Variants in DUOX2 observed in about 807,000 individuals in gnomAD.
DUOX2 encodes dual oxidase 2.
In DUOX2, 185 loss-of-function variants were observed where a neutral mutation model predicts 183.3. The observed-to-expected ratio is 1.01, with a 90% CI of 0.90 to 1.14. The LOEUF (loss-of-function observed/expected upper bound fraction) is 1.14. Among genes scored for constraint, DUOX2 ranks in the 50% most tolerant of loss-of-function variants. The pLI, the probability that DUOX2 is intolerant of heterozygous loss-of-function variation, is 0.00. For synonymous variants in DUOX2, 788 were observed against 812.4 expected, an observed-to-expected ratio of 0.97 and a Z score of 0.51; for missense variants, 1,999 against 2,022.9, an observed-to-expected ratio of 0.99 and a Z score of 0.23.
chr15:45,106,490 T>G (rs1476408867), intron 16 of DUOX2, 38 bp downstream of exon 16: 5 of 1,607,960 alleles, frequency 3.1e-6, no homozygotes, highest in Non-Finnish European at 3.4e-6. Flanking sequence ...TCTCCCCTCC[T>G]CCGTCCCTCC....
chr15:45,108,315 T>G (rs1894283957), intron 12 of DUOX2, 93 bp from the exon 13 acceptor site: 1 of 1,444,156 alleles, frequency 6.9e-7, no homozygotes, highest in Non-Finnish European at 9.6e-7. Context: ...CCTCAGCCGC[T>G]GCCTGGCTGC....
At position 45,107,483 on chromosome 15, in the gene DUOX2, A is replaced by G; in HGVS notation, c.1575-20T>C. ...AACAGCCTAAGTTGGAGGAAGTAGAAGTCACTGGGATGGGAAGGGGATGCA... is the reference window on the plus strand; with the variant it reads ...AACAGCCTAAGTTGGAGGAAGTAGAGGTCACTGGGATGGGAAGGGGATGCA... On this transcript the variant is annotated intron_variant, in intron 13 of 33. Transcript: ENST00000389039. The G allele has an allele frequency of 6.2e-7, 1 of 1,613,146 alleles. No individual in the cohort carries two copies. The highest frequency in any genetic ancestry group is 8.5e-7 in the Non-Finnish European group (1 of 1,179,200).
chr15:45,108,544 C>T (rs998092179), intron 12 of DUOX2: 3 of 624,252 alleles, frequency 4.8e-6, no homozygotes, highest in African/African-American at 1.8e-5. Flanking sequence ...TGGCACCCAA[C>T]CCAGAAGCCA....
rs1275294950 is a variant in DUOX2, at chr15:45,110,463, G to T, written c.1005C>A (p.Phe335Leu). 1.2e-6 allele frequency: 2 copies of T among 1,614,138 alleles called. No homozygotes were observed. The highest frequency in any genetic ancestry group is 1.7e-6 in the Non-Finnish European group (2 of 1,180,000). ...SPEFVVASEQ[F>L]FSTMVPPGVY... ...CACCAGGGGGCACCATGGTAGAGAA[G>T]AACTGCTCAGAGGCCACCACAAATT... Residue 335 changes from phenylalanine to leucine, a missense_variant, in exon 9 of 34, where the codon TTC becomes TTA. By Grantham distance (22) the Phe-to-Leu change is conservative. Coordinates refer to ENST00000389039, the MANE Select transcript of DUOX2 (RefSeq NM_001363711.2).
chr15:45,108,571 C>T (rs957474291), intron 12 of DUOX2: 14 of 660,858 alleles, frequency 2.1e-5, no homozygotes, highest in Non-Finnish European at 3.4e-5. Flanking sequence ...AGGAATGGTA[C>T]AATGCAGTGG....
Position 45,106,846 on chromosome 15 carries a change from C to CTT in DUOX2, c.1816_1817insAA (p.Cys606Ter), listed in dbSNP as rs1894230835. The CTT allele has an allele frequency of 1.9e-6, 3 of 1,594,168 alleles. No individual in the cohort carries two copies. The highest frequency in any genetic ancestry group is 1.3e-5 in the African/African-American group (1 of 74,844). Residue 606 changes from cysteine to a stop codon, truncating the protein, a stop_gained and frameshift_variant, in exon 15 of 34, where the codon TGC becomes TAAGC. Coordinates refer to ENST00000389039, the MANE Select transcript of DUOX2 (RefSeq NM_001363711.2). LOFTEE classifies it high-confidence loss of function. ...TAAGAGCTCACCTAAGGGAAGGCAG[C>CTT]AGAGAGCAATGATGGTGATGGCAAA... is the stretch of plus-strand genomic sequence containing the variant. ...PGFAITIIALCCLPLVSLLLS... is the reference protein window; with the variant it reads ...PGFAITIIAL
rs1894532187 is a variant in DUOX2 at position 45,114,032 on chromosome 15, T to C, written c.-74A>G. The C allele has an allele frequency of 5.0e-6, 1 of 198,108 alleles. No homozygotes were observed. Among genetic ancestry groups the C allele is most frequent in the Non-Finnish European group, 1.0e-5 (1 of 95,426 alleles). The allele number at this position is 198,108 out of a possible 1,614,324, so 12.3% of individuals were successfully genotyped here. On this transcript the variant is annotated 5_prime_UTR_variant, in exon 1 of 34. Transcript: ENST00000389039. Reference sequence around the variant, plus strand: ...TCTTTCCTCTTAAAATCTTTGCTTCTGTGCTCTACTTCTTGCCTTCACCCT... The same window carrying C: ...TCTTTCCTCTTAAAATCTTTGCTTCCGTGCTCTACTTCTTGCCTTCACCCT...
In DUOX2 at chr15:45,097,370, C is replaced by T. The variant is rs1387069526; in HGVS notation, c.3715G>A (p.Ala1239Thr). Residue 1239 changes from alanine to threonine, a missense_variant, in exon 29 of 34, where the codon GCT becomes ACT. Around this residue, in one of 3 missense-constraint regions of DUOX2, gnomAD observed 1,628 missense variants for 1,608.6 expected, o/e 1.01. Coordinates refer to ENST00000389039, the MANE Select transcript of DUOX2 (RefSeq NM_001363711.2). Reference sequence around the variant, plus strand: ...TGGAAAGTGGGCAGCTGGATCAGAGCATAGCTGCCATGGATGATGAGCTGG... The same window carrying T: ...TGGAAAGTGGGCAGCTGGATCAGAGTATAGCTGCCATGGATGATGAGCTGG... ...YALLIIHGSY[A>T]LIQLPTFHIY... is the part of the protein sequence containing the mutation. 2 of 1,614,134 alleles carry T rather than the reference C, an allele frequency of 1.2e-6. No individual in the cohort carries two copies. Among genetic ancestry groups the T allele is most frequent in the African/African-American group, 1.3e-5 (1 of 74,952 alleles).
intron 32 of DUOX2, 34 bp downstream of exon 32, chr15:45,094,902 G>C: frequency 3.7e-6 from 6 of 1,612,282 alleles, no homozygotes; most frequent in Non-Finnish European, 5.1e-6. Flanking sequence ...CCATCTGCCC[G>C]CCAAGTTGCC....
Position 45,094,220 on chromosome 15 carries a change from A to G in DUOX2, c.4577T>C (p.Val1526Ala), listed in dbSNP as rs1207014616. 10 of 1,613,988 alleles carry G rather than the reference A, an allele frequency of 6.2e-6. No individual in the cohort carries two copies. Among genetic ancestry groups the G allele is most frequent in the Non-Finnish European group, 8.5e-6 (10 of 1,180,018 alleles). ...SCGPPGMTKN[V>A]EKACQLVNRQ... The stretch of plus-strand genomic sequence containing the variant: ...GTTGACGAGCTGACAGGCCTTCTCT[A>G]CATTCTTGGTCATTCCTGGAGGGCC... Residue 1526 changes from valine (V) to alanine (A), a missense_variant, in exon 34 of 34, where the codon GTA becomes GCA. Around this residue, in one of 3 missense-constraint regions of DUOX2, gnomAD observed 1,628 missense variants for 1,608.6 expected, o/e 1.01. Transcript: ENST00000389039.
intron 29 of DUOX2, 104 bp from the exon 30 acceptor site, chr15:45,096,164 A>T: frequency 1.0e-6 from 1 of 996,714 alleles, no homozygotes; most frequent in Non-Finnish European, 1.6e-6. Context: ...CCTGGGGAGT[A>T]GTCACATGGT....
At chr15:45,110,812 A>C in intron 7 of DUOX2, 102 bp from the exon 8 acceptor site, 1 of 1,569,210 alleles carries the variant, frequency 6.4e-7, no homozygotes, top group Non-Finnish European at 8.7e-7. Flanking sequence ...GAGACCAGGA[A>C]GGGTCAATCA....
chr15:45,111,791 T>C lies in DUOX2; in HGVS notation c.490A>G (p.Ser164Gly). The C allele has an allele frequency of 2.5e-6, 4 of 1,609,906 alleles. No homozygotes were observed. Among genetic ancestry groups the C allele is most frequent in the Non-Finnish European group, 3.4e-6 (4 of 1,178,504 alleles). Reference protein sequence around the residue: ...RSRWDPETGRSPSNPRDLANQ... With the variant: ...RSRWDPETGRGPSNPRDLANQ... ...ACCAGGTCCCGGGGGTTGCTGGGACTCCGTCCGGTCTCGGGGTCCCAGCGG... is the reference window on the plus strand; with the variant it reads ...ACCAGGTCCCGGGGGTTGCTGGGACCCCGTCCGGTCTCGGGGTCCCAGCGG... Residue 164 changes from serine to glycine, a missense_variant, in exon 5 of 34, where the codon AGT (serine) becomes GGT (glycine). Ser to Gly is a moderately conservative substitution (Grantham distance 56). Transcript: ENST00000389039.
In DUOX2 at chr15:45,095,701, T is replaced by C. The variant is rs16977579; in HGVS notation, c.4081-106A>G. 0.013 allele frequency: 20,733 copies of C among 1,571,546 alleles called. 2,250 individuals are homozygous for C. The African/African-American group carries it at 0.24, about 18-fold the overall frequency. The stretch of plus-strand genomic sequence containing the variant: ...GGATACAGAACATCCTAGTCTTTTC[T>C]GAGGCACCCCGGTCCTCTCCCAGGC... On this transcript the variant is annotated intron_variant, in intron 30 of 33. Transcript: ENST00000389039.
intron 14 of DUOX2, 151 bp downstream of exon 14, chr15:45,107,194 C>G: frequency 1.6e-6 from 2 of 1,213,426 alleles, no homozygotes; most frequent in Non-Finnish European, 2.4e-6. Flanking sequence ...TAGTTGAGGT[C>G]CCTGCTGTGG....
chr15:45,105,992 C>A, intron 17 of DUOX2, 133 bp downstream of exon 17: 5 of 1,367,704 alleles, frequency 3.7e-6, no homozygotes, highest in Admixed American at 2.0e-5. Flanking sequence ...TGTCTGGGGG[C>A]CTCTGAAAGG....
At chr15:45,108,428 G>T in intron 12 of DUOX2, 1 of 629,242 alleles carries the variant, frequency 1.6e-6, no homozygotes, top group South Asian at 1.9e-5. Flanking sequence ...ACGGTCAGGT[G>T]CCCTAGGACC....
rs770083296 is a variant in DUOX2 at position 45,106,600 on chromosome 15, G to C, written c.1873C>G (p.Arg625Gly). The change falls in exon 16 of 34, where the codon CGA becomes GGA. Residue 625 changes from arginine (R) to glycine (G), a missense_variant. Arg to Gly is a moderately radical substitution (Grantham distance 125). This residue lies in a region of DUOX2 where 1,628 missense variants were observed against 1,608.6 expected (regional missense o/e 1.01). Transcript: ENST00000389039. The stretch of plus-strand genomic sequence containing the variant: ...TTCTTTTGTAGCTTCTTGTGTTCTC[G>C]GCCCCGGAAATAGGCCACCACTCCA... Reference protein sequence around the residue: ...LSGVVAYFRGREHKKLQKKLK... With the variant: ...LSGVVAYFRGGEHKKLQKKLK... The C allele has an allele frequency of 6.2e-6, 10 of 1,613,748 alleles. No individual in the cohort carries two copies. Among genetic ancestry groups the C allele is most frequent in the Admixed American group, 5.0e-5 (3 of 59,974 alleles).
intron 8 of DUOX2, 35 bp downstream of exon 8, chr15:45,110,615 C>A (rs1894359922): frequency 6.2e-7 from 1 of 1,613,524 alleles, no homozygotes; most frequent in Non-Finnish European, 8.5e-7. Flanking sequence ...CCTCAGGATT[C>A]TCCGCACAGG....
Sources: gnomAD v4.1 joint callset for allele counts on GRCh38, gnomAD v4.1.1 for gene constraint, gnomAD v4.1.1 regional missense constraint, MANE v1.5 for transcripts, NCBI Gene and HGNC (gene_info 2026-07-23, HGNC 2026-07-21) for gene names.